Variants in SETBP1 observed in about 807,000 individuals in gnomAD.
SETBP1 encodes the protein SET binding protein 1.
Under a neutral mutation model 101.0 loss-of-function variants are expected in SETBP1, and 9 were observed. That is an observed-to-expected ratio of 0.09 (90% confidence interval 0.05 to 0.16). The LOEUF is 0.16. Ranked by LOEUF, SETBP1 falls within the 10% of genes least tolerant of loss-of-function variation. SETBP1 has a pLI of 1.00. For missense variants in SETBP1, 1,858 were observed against 2,033.8 expected (o/e 0.91, Z 1.66); for synonymous variants, 818 against 788.5 (o/e 1.04, Z -0.63).
At chr18:44,767,736 C>A (rs1461892279) in intron 2 of SETBP1, among the ~76,000 whole-genome samples, 1 of 152,142 alleles carries the variant, frequency 6.6e-6, no homozygotes, top group African/African-American at 2.4e-5. Flanking sequence ...TTATGTTATT[C>A]TTATGTCTTT....
At chr18:44,884,343 A>C (rs956929920) in intron 3 of SETBP1, among the ~76,000 whole-genome samples, 1 of 152,238 alleles carries the variant, frequency 6.6e-6, no homozygotes, top group Non-Finnish European at 1.5e-5. Context: ...TGCCTGGAAC[A>C]GAGGGCTTTT....
At chr18:44,962,122 C>T (rs192750113) in intron 4 of SETBP1, among the ~76,000 whole-genome samples, 83 of 152,282 alleles carry the variant, frequency 5.5e-4, no homozygotes, top group African/African-American at 1.9e-3. Flanking sequence ...GTAAAACAAC[C>T]AGAGAATAAA....
chr18:44,710,450 G>GTTTTTTT (rs11375634), intron 2 of SETBP1, among the ~76,000 whole-genome samples: 1 of 123,408 alleles, frequency 8.1e-6, no homozygotes, highest in African/African-American at 3.1e-5. Flanking sequence ...CATTTTAGGA[G>GTTTTTTT]TTTTTTTTTT....
chr18:44,958,731 C>T (rs1243012533), intron 4 of SETBP1, among the ~76,000 whole-genome samples: 2 of 152,042 alleles, frequency 1.3e-5, no homozygotes, highest in Admixed American at 1.3e-4. Context: ...ATATGTTTTC[C>T]TTTGCTGTGA....
intron 4 of SETBP1, among the ~76,000 whole-genome samples, chr18:45,037,822 A>G (rs2073427912): frequency 6.6e-6 from 1 of 152,174 alleles, no homozygotes; most frequent in East Asian, 1.9e-4. Flanking sequence ...CTGATGACAC[A>G]CTAATCCCCA....
At chr18:44,914,757 A>C (rs2070388807) in intron 3 of SETBP1, among the ~76,000 whole-genome samples, 1 of 152,022 alleles carries the variant, frequency 6.6e-6, no homozygotes, top group Non-Finnish European at 1.5e-5. Context: ...GTTATAGATG[A>C]AGTACTATAG....
chr18:44,989,604 T>C (rs1348990138), intron 4 of SETBP1, among the ~76,000 whole-genome samples: 2 of 151,724 alleles, frequency 1.3e-5, no homozygotes, highest in East Asian at 3.9e-4. Context: ...GCCCAAGAAA[T>C]TCCAAACAGG....
intron 3 of SETBP1, among the ~76,000 whole-genome samples, chr18:44,946,837 A>G (rs1236530098): frequency 6.6e-6 from 1 of 152,224 alleles, no homozygotes. Flanking sequence ...ACCTAGCAGT[A>G]TAAAGACTGT....
chr18:44,877,176 C>T (rs763050460), intron 3 of SETBP1: 40 of 923,840 alleles, frequency 4.3e-5, no homozygotes, highest in African/African-American at 1.3e-4. Context: ...AAGTGTGTGT[C>T]GCTGGTCCAC....
At chr18:44,970,655 G>A (rs1186861415) in intron 4 of SETBP1, among the ~76,000 whole-genome samples, 4 of 151,896 alleles carry the variant, frequency 2.6e-5, no homozygotes, top group African/African-American at 7.3e-5. Context: ...GGGTTCAAAC[G>A]ATTCTCCTGC....
intron 4 of SETBP1, among the ~76,000 whole-genome samples, chr18:44,981,481 GA>G (rs1464929546): frequency 6.6e-6 from 1 of 152,208 alleles, no homozygotes; most frequent in African/African-American, 2.4e-5. Context: ...CATGACAAGG[GA>G]AACAACTTTC....
At chr18:44,763,149 G>A (rs916630547) in intron 2 of SETBP1, among the ~76,000 whole-genome samples, 4 of 152,176 alleles carry the variant, frequency 2.6e-5, no homozygotes, top group African/African-American at 7.2e-5. Flanking sequence ...GAGATAGGGA[G>A]GGAAGCATGC....
intron 2 of SETBP1, among the ~76,000 whole-genome samples, chr18:44,810,824 G>C (rs1260001575): frequency 6.6e-6 from 1 of 152,162 alleles, no homozygotes; most frequent in African/African-American, 2.4e-5. Context: ...TTTTTCTCAA[G>C]CCTGAAGGGA....
chr18:44,703,903 A>G (rs1237870673), intron 2 of SETBP1, among the ~76,000 whole-genome samples: 1 of 152,170 alleles, frequency 6.6e-6, no homozygotes, highest in African/African-American at 2.4e-5. Flanking sequence ...GAAAATGAGT[A>G]TCTTTGTTTC....
rs149162154 is a variant in SETBP1, at chr18:44,952,639, A to G, written c.3299A>G (p.His1100Arg). 1.3e-3 allele frequency: 2,083 copies of G among 1,613,852 alleles called. 4 individuals carry two copies. Among genetic ancestry groups the G allele is most frequent in the South Asian group, 1.7e-3 (158 of 91,072 alleles). Residue 1100 changes from histidine to arginine, a missense_variant, in exon 4 of 6, where the codon CAC (histidine) becomes CGC (arginine). Physicochemically the swap from His to Arg is conservative, Grantham distance 29. Around this residue, in one of 12 missense-constraint regions of SETBP1, gnomAD observed 255 missense variants for 300.1 expected, o/e 0.85. Transcript: ENST00000649279. Reference protein sequence around the residue: ...VPPPQFHTNSHVKMSGAAKHK... With the variant: ...VPPPQFHTNSRVKMSGAAKHK... ...CCACCTCAGTTCCACACAAACTCCCACGTAAAGATGTCCGGTGCAGCTAAG... is the reference window on the plus strand; with the variant it reads ...CCACCTCAGTTCCACACAAACTCCCGCGTAAAGATGTCCGGTGCAGCTAAG...
At chr18:45,054,191 AT>A (rs754973461) in intron 5 of SETBP1, among the ~76,000 whole-genome samples, 252 of 144,854 alleles carry the variant, frequency 1.7e-3, no homozygotes, top group Admixed American at 2.1e-3. Context: ...GAAGCCACTA[AT>A]TTTTTTTTTT....
intron 2 of SETBP1, among the ~76,000 whole-genome samples, chr18:44,839,334 G>A (rs560464204): frequency 2.0e-5 from 3 of 152,308 alleles, no homozygotes; most frequent in South Asian, 2.1e-4. Flanking sequence ...CCGTCACCCC[G>A]GGGGATGGGC....
intron 4 of SETBP1, among the ~76,000 whole-genome samples, chr18:45,030,021 G>T (rs2073256961): frequency 6.9e-6 from 1 of 145,798 alleles, no homozygotes; most frequent in South Asian, 2.3e-4. Context: ...CTGCCTGATT[G>T]CCCTGGCCAG....
intron 2 of SETBP1, among the ~76,000 whole-genome samples, chr18:44,808,268 C>G (rs889187410): frequency 6.6e-6 from 1 of 152,184 alleles, no homozygotes; most frequent in Non-Finnish European, 1.5e-5. Context: ...CTGATCTACC[C>G]TCCTTCACAT....
Sources: gnomAD v4.1 joint callset for allele counts (sites outside exome capture counted in the v4.1 genomes callset) on GRCh38, gnomAD v4.1.1 for gene constraint, gnomAD v4.1.1 regional missense constraint, MANE v1.5 for transcripts, NCBI Gene and HGNC (gene_info 2026-07-23, HGNC 2026-07-21) for gene names.